The following LAMA2 variants were observed in gnomAD, a reference collection of about 807,000 sequenced individuals.
LAMA2 encodes laminin subunit alpha 2.
A neutral mutation model predicts 364.8 loss-of-function variants in LAMA2; 269 were observed. The observed-to-expected ratio is 0.74, with a 90% CI of 0.67 to 0.82. The LOEUF is 0.82. LAMA2 is among the 40% of genes least tolerant of loss of function. LAMA2 has a pLI of 0.00. For missense variants in LAMA2, 3,807 were observed against 3,873.2 expected, an observed-to-expected ratio of 0.98 and a Z score of 0.45; for synonymous variants, 1,379 against 1,370.6, an observed-to-expected ratio of 1.01 and a Z score of -0.14.
chr6:128,976,021 T>G (rs1782509166), intron 1 of LAMA2, among the ~76,000 whole-genome samples: 1 of 152,022 alleles, frequency 6.6e-6, no homozygotes, highest in Non-Finnish European at 1.5e-5. Flanking sequence ...ATGTGGAAAA[T>G]GAATTGGAAA....
intron 58 of LAMA2, among the ~76,000 whole-genome samples, chr6:129,497,404 A>ATTT (rs1455008169): frequency 6.6e-6 from 1 of 151,914 alleles, no homozygotes; most frequent in Admixed American, 6.6e-5. Flanking sequence ...TGCCCGGCTA[A>ATTT]TTTTTGTATT....
At chr6:128,997,544 C>A (rs1471538595) in intron 1 of LAMA2, among the ~76,000 whole-genome samples, 2 of 152,164 alleles carry the variant, frequency 1.3e-5, no homozygotes, top group South Asian at 4.1e-4. Context: ...CCTGTAATTC[C>A]AGCACTTTCG....
At chr6:128,988,005 C>G (rs1403667325) in intron 1 of LAMA2, among the ~76,000 whole-genome samples, 2 of 152,110 alleles carry the variant, frequency 1.3e-5, no homozygotes, top group Non-Finnish European at 2.9e-5. Flanking sequence ...GCTGGGATTA[C>G]AGGCATCCGG....
At chr6:129,180,366 T>C (rs993972162) in intron 10 of LAMA2, among the ~76,000 whole-genome samples, 1 of 152,150 alleles carries the variant, frequency 6.6e-6, no homozygotes, top group African/African-American at 2.4e-5. Context: ...AAATCACATA[T>C]GAAATAATGT....
chr6:129,032,031 G>C (rs766295607), intron 1 of LAMA2, among the ~76,000 whole-genome samples: 11 of 152,130 alleles, frequency 7.2e-5, no homozygotes, highest in Admixed American at 3.3e-4. Flanking sequence ...TGTTGGCCAG[G>C]CTGGTCTTGA....
At chr6:129,082,757 A>G (rs1205930314) in intron 3 of LAMA2, among the ~76,000 whole-genome samples, 2 of 152,128 alleles carry the variant, frequency 1.3e-5, no homozygotes, top group African/African-American at 4.8e-5. Context: ...TTCGTGAACT[A>G]CATGCTTATA....
intron 47 of LAMA2, 114 bp downstream of exon 47, chr6:129,454,402 A>AACACATGTATAAAATTCAT: frequency 1.3e-6 from 1 of 789,172 alleles, no homozygotes; most frequent in Non-Finnish European, 2.1e-6. Context: ...TATGCATGTA[A>AACACATGTATAAAATTCAT]ACACATGTGT....
chr6:129,408,188 C>T (rs533058337), intron 40 of LAMA2, among the ~76,000 whole-genome samples: 140 of 152,180 alleles, frequency 9.2e-4, no homozygotes, highest in African/African-American at 3.2e-3. Flanking sequence ...GATTCTGGGA[C>T]ACGTGAACAC....
intron 1 of LAMA2, among the ~76,000 whole-genome samples, chr6:128,974,749 T>C (rs938657884): frequency 6.6e-6 from 1 of 152,224 alleles, no homozygotes; most frequent in African/African-American, 2.4e-5. Context: ...TCATACAGTA[T>C]ATAGCTTTCA....
intron 7 of LAMA2, among the ~76,000 whole-genome samples, chr6:129,153,070 T>A (rs1381177034): frequency 2.6e-5 from 4 of 152,198 alleles, no homozygotes; most frequent in Non-Finnish European, 5.9e-5. Flanking sequence ...CATCGATATA[T>A]TTCCCTGGTT....
At chr6:129,291,806 T>C (rs1789720878) in intron 20 of LAMA2, 86 bp downstream of exon 20, 2 of 872,370 alleles carry the variant, frequency 2.3e-6, no homozygotes, top group Non-Finnish European at 3.8e-6. Flanking sequence ...TACCTTCGTA[T>C]ATTAAAAGGA....
intron 40 of LAMA2, among the ~76,000 whole-genome samples, chr6:129,421,281 CTG>C (rs1348718746): frequency 6.6e-6 from 1 of 151,744 alleles, no homozygotes; most frequent in East Asian, 1.9e-4. Context: ...AAAATAGACT[CTG>C]TTTTGCATGA....
intron 1 of LAMA2, among the ~76,000 whole-genome samples, chr6:128,925,978 C>T (rs1256582884): frequency 6.6e-6 from 1 of 152,150 alleles, no homozygotes; most frequent in Non-Finnish European, 1.5e-5. Context: ...GTTCTGTCTC[C>T]ACTGGACTGG....
chr6:129,111,056 T>A (rs1379438191), intron 4 of LAMA2, among the ~76,000 whole-genome samples: 1 of 152,066 alleles, frequency 6.6e-6, no homozygotes, highest in East Asian at 1.9e-4. Flanking sequence ...TCATCAAAAG[T>A]CCTTGAGACA....
intron 4 of LAMA2, among the ~76,000 whole-genome samples, chr6:129,121,261 A>G (rs1776788774): frequency 6.6e-6 from 1 of 152,196 alleles, no homozygotes; most frequent in Non-Finnish European, 1.5e-5. Context: ...TGTCTACTAG[A>G]CTTTCTAAAT....
At chr6:129,158,550 C>G in intron 8 of LAMA2, 3 of 1,613,958 alleles carry the variant, frequency 1.9e-6, no homozygotes, top group African/African-American at 1.3e-5. Context: ...TTCCAAATCA[C>G]GATTGTAACG....
intron 28 of LAMA2, among the ~76,000 whole-genome samples, chr6:129,323,328 A>T (rs1335476165): frequency 6.6e-6 from 1 of 152,196 alleles, no homozygotes; most frequent in Non-Finnish European, 1.5e-5. Flanking sequence ...AGACATCTGC[A>T]TCTACAGGCT....
Position 129,297,794 on chromosome 6 carries a change from C to G in LAMA2, c.2966C>G (p.Pro989Arg). 1.2e-6 allele frequency: 2 copies of G among 1,614,032 alleles called. No individual in the cohort carries two copies. Among genetic ancestry groups the G allele is most frequent in the Non-Finnish European group, 1.7e-6 (2 of 1,179,962 alleles). ...GAGAGTGGACAATGTTGGTGCCAAC[C>G]TGGAGTCACAGGGAAGAAATGTGAC... The part of the protein sequence containing the change: ...CEESGQCWCQ[P>R]GVTGKKCDRC... The change falls in exon 21 of 65, where the codon CCT becomes CGT. Residue 989 changes from proline to arginine, a missense_variant. By Grantham distance (103) the Pro-to-Arg change is moderately radical. Transcript: ENST00000421865.
At position 129,253,861 on chromosome 6, in the gene LAMA2, G is replaced by A. The variant is rs772284564; in HGVS notation, c.2096+1566G>A. On this transcript the variant is annotated intron_variant, in intron 14 of 64. Transcript: ENST00000421865. The stretch of plus-strand genomic sequence containing the variant: ...TACAGGAGGAATGCATTCACAGCGC[G>A]GCTCTGTGAAATGACACAAGAGCTA... Among the ~76,000 whole-genome samples the A allele has an allele frequency of 9.7e-4, 147 of 152,206 alleles. 3 individuals are homozygous for A. Among genetic ancestry groups the A allele is most frequent in the Non-Finnish European group, 4.0e-4 (27 of 68,012 alleles).
Sources: allele counts gnomAD v4.1 joint callset (sites outside exome capture counted in the v4.1 genomes callset), GRCh38; gene constraint gnomAD v4.1.1; transcripts MANE v1.5; gene names NCBI Gene and HGNC (gene_info 2026-07-23, HGNC 2026-07-21).